Variants in DPYD observed in about 807,000 individuals in gnomAD.
DPYD encodes dihydropyrimidine dehydrogenase.
DPYD carries 109 observed loss-of-function variants against 116.2 expected under a neutral mutation model. The ratio of observed to expected loss-of-function variants is 0.94; its 90% CI spans 0.80 to 1.10. DPYD has a LOEUF of 1.10. Ranked by LOEUF, DPYD falls within the 50% of genes least tolerant of loss-of-function variation. The pLI, the probability that DPYD is intolerant of heterozygous loss-of-function variation, is 0.00. For missense variants in DPYD, 1,302 were observed against 1,254.5 expected (o/e 1.04, Z -0.57); for synonymous variants, 440 against 432.0 (o/e 1.02, Z -0.23).
rs766669910 is a variant in DPYD, at chr1:97,699,345, C to G, written c.680+6G>C. On this transcript the variant is annotated splice_donor_region_variant and intron_variant, in intron 6 of 22. Transcript: ENST00000370192. ...ACTATAAACATGAAATAAATGTAGG[C>G]ATTACCTTAAACCACCAACATATTC... The G allele has an allele frequency of 1.1e-5, 17 of 1,611,696 alleles. No individual in the cohort carries two copies. Among genetic ancestry groups the G allele is most frequent in the Middle Eastern group, 1.6e-4 (1 of 6,076 alleles).
At chr1:97,767,453 T>C (rs1320515964) in intron 3 of DPYD, among the ~76,000 whole-genome samples, 3 of 147,686 alleles carry the variant, frequency 2.0e-5, no homozygotes, top group African/African-American at 7.5e-5. Flanking sequence ...AATAATGGTA[T>C]GCTCATTCTG....
rs373053369 is a variant in DPYD at position 97,754,179 on chromosome 1, C to A, written c.234-13700G>T. ...AGTTTAATTCATATCATAAGGTAGA[C>A]CACGTTTTCGGGCAATGGCACTGCT... On this transcript the variant is annotated intron_variant, in intron 3 of 22. Coordinates refer to ENST00000370192, the MANE Select transcript of DPYD (RefSeq NM_000110.4). Among the ~76,000 whole-genome samples the A allele has an allele frequency of 7.2e-5, 11 of 152,194 alleles. No individual in the cohort carries two copies. The East Asian group carries it at 1.5e-3, about 21-fold the overall frequency.
chr1:97,494,996 T>C (rs1437915446), intron 13 of DPYD, among the ~76,000 whole-genome samples: 6 of 152,166 alleles, frequency 3.9e-5, no homozygotes, highest in African/African-American at 1.4e-4. Context: ...CCTTGAGTAA[T>C]GAGCGGCCTG....
intron 18 of DPYD, among the ~76,000 whole-genome samples, chr1:97,280,776 T>A (rs1665271305): frequency 6.6e-6 from 1 of 152,130 alleles, no homozygotes; most frequent in Non-Finnish European, 1.5e-5. Flanking sequence ...GGTTAGTCAA[T>A]GAATACAAAG....
chr1:97,520,111 G>A (rs1648535548), intron 12 of DPYD, among the ~76,000 whole-genome samples: 4 of 152,034 alleles, frequency 2.6e-5, no homozygotes, highest in Admixed American at 2.6e-4. Flanking sequence ...GTTAGACTCA[G>A]TTATTAATGT....
In DPYD at chr1:97,417,824, AATGATGC is replaced by A. The variant is rs1282557418; in HGVS notation, c.1905+32228_1905+32234del. On this transcript the variant is annotated intron_variant, in intron 14 of 22. Transcript: ENST00000370192. Reference sequence around the variant, plus strand: ...AGTTTAATAATGGAACATTGAAGTAAATGATGCCATCCACTGACACCAGTAACACTGT... The same window carrying A: ...AGTTTAATAATGGAACATTGAAGTAACATCCACTGACACCAGTAACACTGT... Among the ~76,000 whole-genome samples the A allele has an allele frequency of 2.0e-5, 3 of 152,296 alleles. No individual in the cohort carries two copies. In the East Asian group the frequency reaches 5.8e-4, roughly 29 times the overall value.
intron 3 of DPYD, among the ~76,000 whole-genome samples, chr1:97,774,407 C>T (rs1666293869): frequency 1.3e-5 from 2 of 152,182 alleles, no homozygotes; most frequent in African/African-American, 4.8e-5. Flanking sequence ...GCTCTTATCT[C>T]TTCCTTTATG....
intron 2 of DPYD, among the ~76,000 whole-genome samples, chr1:97,835,056 T>C (rs1181157695): frequency 1.3e-5 from 2 of 152,042 alleles, no homozygotes; most frequent in Non-Finnish European, 2.9e-5. Flanking sequence ...GTAATCATAT[T>C]TAGCTAATGT....
At chr1:97,101,632 T>C (rs1256376653) in intron 20 of DPYD, among the ~76,000 whole-genome samples, 1 of 151,978 alleles carries the variant, frequency 6.6e-6, no homozygotes, top group Non-Finnish European at 1.5e-5. Flanking sequence ...GAACATATAG[T>C]TAATTGATTT....
At chr1:97,526,691 G>A (rs1418048121) in intron 12 of DPYD, among the ~76,000 whole-genome samples, 1 of 152,072 alleles carries the variant, frequency 6.6e-6, no homozygotes, top group Non-Finnish European at 1.5e-5. Context: ...GTCTGTTCAA[G>A]AGAACAGACC....
intron 5 of DPYD, among the ~76,000 whole-genome samples, chr1:97,716,981 T>C (rs1320799164): frequency 6.6e-6 from 1 of 152,050 alleles, no homozygotes; most frequent in Non-Finnish European, 1.5e-5. Context: ...GTGTATGGTG[T>C]ACATGTGATG....
chr1:97,380,801 T>G (rs1441961837), intron 15 of DPYD, among the ~76,000 whole-genome samples: 1 of 152,192 alleles, frequency 6.6e-6, no homozygotes, highest in Non-Finnish European at 1.5e-5. Context: ...CGTGGGTTTT[T>G]CCATTGTAAG....
intron 2 of DPYD, among the ~76,000 whole-genome samples, chr1:97,836,777 T>C (rs1348256528): frequency 4.6e-5 from 7 of 152,006 alleles, no homozygotes; most frequent in Admixed American, 4.6e-4. Flanking sequence ...AAGAAAAATA[T>C]GCAAGCCAAT....
chr1:97,174,878 G>A (rs74451502), intron 20 of DPYD, among the ~76,000 whole-genome samples: 10,734 of 152,080 alleles, frequency 0.071, 475 homozygotes, highest in Middle Eastern at 0.11. Context: ...TGAGATATAG[G>A]ATAAAAATAT....
chr1:97,855,823 G>A (rs972794186), intron 2 of DPYD: 1 of 152,180 alleles, frequency 6.6e-6, no homozygotes, highest in Non-Finnish European at 1.5e-5. Context: ...AGTGGAAAAG[G>A]GAAGAGGGAG....
intron 13 of DPYD, among the ~76,000 whole-genome samples, chr1:97,470,152 A>T (rs1044533931): frequency 5.3e-5 from 8 of 152,148 alleles, no homozygotes; most frequent in African/African-American, 1.9e-4. Flanking sequence ...TTTTCGAATC[A>T]TTTTTTTGAT....
chr1:97,641,115 C>T (rs1206326170), intron 8 of DPYD, among the ~76,000 whole-genome samples: 1 of 152,120 alleles, frequency 6.6e-6, no homozygotes, highest in Non-Finnish European at 1.5e-5. Context: ...TGAGACTGTC[C>T]TCAGGCTTGC....
chr1:97,613,702 G>T (rs1163267333), intron 8 of DPYD, among the ~76,000 whole-genome samples: 2 of 152,022 alleles, frequency 1.3e-5, no homozygotes, highest in African/African-American at 4.8e-5. Context: ...CTAATGTACA[G>T]ATTTTTAGGC....
intron 20 of DPYD, among the ~76,000 whole-genome samples, chr1:97,145,974 G>A (rs183837486): frequency 6.6e-6 from 1 of 152,132 alleles, no homozygotes; most frequent in East Asian, 1.9e-4. Context: ...GAATTCCTGG[G>A]AGAGAAAAGG....
Sources: gnomAD v4.1 joint callset for allele counts (sites outside exome capture counted in the v4.1 genomes callset) on GRCh38, gnomAD v4.1.1 for gene constraint, MANE v1.5 for transcripts, NCBI Gene and HGNC (gene_info 2026-07-23, HGNC 2026-07-21) for gene names.